DLGAP2: variants seen among roughly 807,000 people sequenced by gnomAD.
The protein encoded by DLGAP2 is DLG associated protein 2.
DLGAP2 carries 26 observed loss-of-function variants against 100.3 expected under a neutral mutation model. The ratio of observed to expected loss-of-function variants is 0.26; its 90% CI spans 0.19 to 0.36. The LOEUF is 0.36. Ranked by LOEUF, DLGAP2 falls within the 10% of genes least tolerant of loss-of-function variation. DLGAP2 has a pLI of 1.00. For missense variants in DLGAP2, 1,858 were observed against 1,453.2 expected (o/e 1.28, Z -4.53); for synonymous variants, 886 against 630.1 (o/e 1.41, Z -6.08).
At chr8:1,126,836 T>C (rs1008184268) in intron 2 of DLGAP2, among the ~76,000 whole-genome samples, 1 of 151,866 alleles carries the variant, frequency 6.6e-6, no homozygotes, top group Non-Finnish European at 1.5e-5. Context: ...ACCACCCCAT[T>C]GTGGTGCAGA....
intron 1 of DLGAP2, among the ~76,000 whole-genome samples, chr8:802,450 G>A (rs545606487): frequency 2.0e-5 from 3 of 152,352 alleles, no homozygotes; most frequent in African/African-American, 7.2e-5. Flanking sequence ...TGGCCTCAGC[G>A]GGTCCCGCAT....
At chr8:1,233,904 T>C (rs530457719) in intron 2 of DLGAP2, among the ~76,000 whole-genome samples, 12 of 152,328 alleles carry the variant, frequency 7.9e-5, no homozygotes, top group Admixed American at 7.8e-4. Flanking sequence ...TGGAGGATAA[T>C]AATTGTAATG....
chr8:1,222,151 A>G (rs1018797135), intron 2 of DLGAP2, among the ~76,000 whole-genome samples: 12 of 152,322 alleles, frequency 7.9e-5, no homozygotes, highest in African/African-American at 2.6e-4. Flanking sequence ...GTAAGAAGAC[A>G]CACTGGCTTT....
intron 2 of DLGAP2, among the ~76,000 whole-genome samples, chr8:964,295 G>GGGCT (rs1799794255): frequency 6.6e-6 from 1 of 152,170 alleles, no homozygotes; most frequent in South Asian, 2.1e-4. Flanking sequence ...GCTTCACAGA[G>GGGCT]GGCTATTCCC....
At chr8:1,055,131 G>A (rs1342155487) in intron 2 of DLGAP2, among the ~76,000 whole-genome samples, 9 of 152,176 alleles carry the variant, frequency 5.9e-5, no homozygotes, top group Admixed American at 5.9e-4. Context: ...TAGACGTTTT[G>A]TAAAGATGGA....
chr8:1,614,446 C>G (rs775796422), intron 6 of DLGAP2, among the ~76,000 whole-genome samples: 1 of 152,210 alleles, frequency 6.6e-6, no homozygotes, highest in African/African-American at 2.4e-5. Flanking sequence ...CACAGACACC[C>G]GGCGGACTGG....
rs577412560 is a variant in DLGAP2, at chr8:1,004,275, T to C, written c.73+96309T>C. Among the ~76,000 whole-genome samples the C allele has an allele frequency of 2.6e-5, 4 of 152,318 alleles. No homozygotes were observed. In the East Asian group the frequency reaches 7.7e-4, roughly 29 times the overall value. On this transcript the variant is annotated intron_variant, in intron 2 of 14. Transcript: ENST00000637795. Reference sequence around the variant, plus strand: ...GGGACCACACATATTTATGTTGCCATTGGCAAGCGTGACAGAAACCTCCCA... The same window carrying C: ...GGGACCACACATATTTATGTTGCCACTGGCAAGCGTGACAGAAACCTCCCA...
At chr8:1,380,832 C>T (rs143377697) in intron 3 of DLGAP2, among the ~76,000 whole-genome samples, 1 of 145,842 alleles carries the variant, frequency 6.9e-6, no homozygotes, top group East Asian at 2.1e-4. Flanking sequence ...TCCATGGAGA[C>T]TAAAAGTTTA....
At chr8:1,661,711 G>A (rs891206121) in intron 8 of DLGAP2, among the ~76,000 whole-genome samples, 4 of 152,166 alleles carry the variant, frequency 2.6e-5, no homozygotes, top group South Asian at 2.1e-4. Flanking sequence ...GCTCCATGAT[G>A]CTATCTGGGA....
rs1437673190 is a variant in DLGAP2 at position 812,631 on chromosome 8, ATATAT to A, written c.18+74811_18+74815del. On this transcript the variant is annotated intron_variant, in intron 1 of 14. Transcript: ENST00000637795. ...CAATTAAATCTGTAATTATAGAGTA[ATATAT>A]TATAAACTAATCAAATAGATGAAAT... 6.6e-5 allele frequency among the ~76,000 whole-genome samples: 10 copies of A among 152,320 alleles called. No individual in the cohort carries two copies. The South Asian group carries it at 8.3e-4, about 13-fold the overall frequency.
At chr8:1,533,931 G>C (rs970350479) in intron 4 of DLGAP2, among the ~76,000 whole-genome samples, 1 of 152,066 alleles carries the variant, frequency 6.6e-6, no homozygotes, top group Non-Finnish European at 1.5e-5. Context: ...CTCCAGACTG[G>C]GCAGCAGAGC....
At chr8:828,822 G>A (rs946581193) in intron 1 of DLGAP2, among the ~76,000 whole-genome samples, 1 of 152,134 alleles carries the variant, frequency 6.6e-6, no homozygotes, top group Non-Finnish European at 1.5e-5. Context: ...CACAATCCAC[G>A]TTCTTCTGCC....
At chr8:890,971 C>T (rs961208573) in intron 1 of DLGAP2, among the ~76,000 whole-genome samples, 1 of 152,136 alleles carries the variant, frequency 6.6e-6, no homozygotes, top group African/African-American at 2.4e-5. Flanking sequence ...CCTCACTGCC[C>T]CCAGGACCTG....
chr8:1,444,458 G>C (rs1294189238), intron 3 of DLGAP2, among the ~76,000 whole-genome samples: 1 of 152,168 alleles, frequency 6.6e-6, no homozygotes, highest in Admixed American at 6.5e-5. Flanking sequence ...CCCTAACCTT[G>C]TTTTGTTTGA....
chr8:1,450,477 G>T (rs567406139), intron 3 of DLGAP2, among the ~76,000 whole-genome samples: 1 of 150,100 alleles, frequency 6.7e-6, no homozygotes, highest in East Asian at 2.0e-4. Context: ...TGAGCTGTGA[G>T]GGTGAAGATG....
intron 1 of DLGAP2, among the ~76,000 whole-genome samples, chr8:802,011 A>G (rs111478396): frequency 0.2 from 4,448 of 22,300 alleles, 114 homozygotes; most frequent in African/African-American, 0.26. Flanking sequence ...CCTGAGGAAC[A>G]GTCCGCACCC....
chr8:1,500,023 T>G (rs1799664157), intron 3 of DLGAP2, among the ~76,000 whole-genome samples: 1 of 152,198 alleles, frequency 6.6e-6, no homozygotes, highest in Non-Finnish European at 1.5e-5. Context: ...CCTCAAAGCC[T>G]GTCCATGAAT....
chr8:1,154,776 C>T lies in DLGAP2; in HGVS notation c.74-104075C>T, dbSNP rs549094175. 3.9e-5 allele frequency among the ~76,000 whole-genome samples: 6 copies of T among 152,242 alleles called. No homozygotes were observed. The East Asian group carries it at 1.2e-3, about 29-fold the overall frequency. ...CTGTGGCCGGGCACCCTCTATAGTC[C>T]TGCCGTCCATCCCGCCCTAAAATAA... On this transcript the variant is annotated intron_variant, in intron 2 of 14. Coordinates refer to ENST00000637795, the MANE Select transcript of DLGAP2 (RefSeq NM_001346810.2).
intron 3 of DLGAP2, among the ~76,000 whole-genome samples, chr8:1,348,289 T>G (rs577947996): frequency 1.4e-5 from 2 of 141,484 alleles, no homozygotes; most frequent in African/African-American, 2.7e-5. Flanking sequence ...AGGTTGAGTT[T>G]CCACATAGAG....
Sources: gnomAD v4.1 joint callset for allele counts (sites outside exome capture counted in the v4.1 genomes callset) on GRCh38, gnomAD v4.1.1 for gene constraint, MANE v1.5 for transcripts, NCBI Gene and HGNC (gene_info 2026-07-23, HGNC 2026-07-21) for gene names.